The following MEI4 variants were observed in gnomAD, a reference collection of about 807,000 sequenced individuals.
The protein encoded by MEI4 is meiotic double-stranded break formation protein 4, also known as meiosis-specific protein MEI4.
MEI4 carries 27 observed loss-of-function variants against 31.4 expected under a neutral mutation model. The ratio of observed to expected loss-of-function variants is 0.86; its 90% CI spans 0.63 to 1.19. The LOEUF (loss-of-function observed/expected upper bound fraction) is 1.19. MEI4 is among the 50% of genes most tolerant of loss of function. The pLI, the probability that MEI4 is intolerant of heterozygous loss-of-function variation, is 0.00. For missense variants in MEI4, 329 were observed against 398.9 expected (o/e 0.82, Z 1.49); for synonymous variants, 122 against 145.4 (o/e 0.84, Z 1.16).
intron 4 of MEI4, among the ~76,000 whole-genome samples, chr6:77,909,111 C>T (rs1766369732): frequency 6.6e-6 from 1 of 152,106 alleles, no homozygotes; most frequent in African/African-American, 2.4e-5. Flanking sequence ...AACTAAAGCA[C>T]TCCTCAGCAA....
chr6:77,803,888 G>T (rs1459096466), intron 3 of MEI4, among the ~76,000 whole-genome samples: 1 of 152,134 alleles, frequency 6.6e-6, no homozygotes, highest in African/African-American at 2.4e-5. Flanking sequence ...CCCTACTGGG[G>T]GTTGCCTCCC....
chr6:77,914,354 G>T, intron 4 of MEI4, among the ~76,000 whole-genome samples: 1 of 151,828 alleles, frequency 6.6e-6, no homozygotes, highest in South Asian at 2.1e-4. Context: ...TTGACCTAAT[G>T]CTCATTCAGG....
At chr6:77,895,450 G>A (rs10806119) in intron 4 of MEI4, among the ~76,000 whole-genome samples, 21,624 of 151,884 alleles carry the variant, frequency 0.14, 1,976 homozygotes, top group South Asian at 0.19. Flanking sequence ...TTCCTATACC[G>A]ACAACAATTT....
At chr6:77,818,219 A>G (rs1309427040) in intron 3 of MEI4, among the ~76,000 whole-genome samples, 2 of 152,194 alleles carry the variant, frequency 1.3e-5, no homozygotes, top group African/African-American at 2.4e-5. Flanking sequence ...AGTGTTTAAA[A>G]TGAACATCTC....
At chr6:77,732,962 T>C (rs1767055916) in intron 2 of MEI4, among the ~76,000 whole-genome samples, 1 of 151,208 alleles carries the variant, frequency 6.6e-6, no homozygotes. Flanking sequence ...CAGCCTTGCA[T>C]CCCAGGGATG....
At chr6:77,790,646 A>G (rs185859644) in intron 3 of MEI4, among the ~76,000 whole-genome samples, 8 of 152,286 alleles carry the variant, frequency 5.3e-5, no homozygotes, top group Admixed American at 2.6e-4. Context: ...CATTATGTTT[A>G]GAGAACTGAA....
chr6:77,686,125 G>A (rs1769049879), intron 1 of MEI4, among the ~76,000 whole-genome samples: 1 of 152,130 alleles, frequency 6.6e-6, no homozygotes, highest in African/African-American at 2.4e-5. Flanking sequence ...TACCATGAGT[G>A]AAAGCCTCCT....
intron 1 of MEI4, among the ~76,000 whole-genome samples, chr6:77,675,656 G>A (rs1243246838): frequency 2.6e-5 from 4 of 151,656 alleles, no homozygotes; most frequent in Admixed American, 1.3e-4. Flanking sequence ...CCGTATGTAT[G>A]AATTTTCTGC....
intron 3 of MEI4, among the ~76,000 whole-genome samples, chr6:77,798,367 TTAA>T (rs1359490305): frequency 1.3e-5 from 2 of 151,452 alleles, no homozygotes; most frequent in Admixed American, 6.6e-5. Context: ...TGTATTAATA[TTAA>T]TAATTAAAAT....
chr6:77,809,596 T>C (rs1298211491), intron 3 of MEI4, among the ~76,000 whole-genome samples: 2 of 152,186 alleles, frequency 1.3e-5, no homozygotes, highest in African/African-American at 2.4e-5. Flanking sequence ...CGTTTTGTAA[T>C]GATAATGGAG....
At chr6:77,760,474 A>G (rs947070169) in intron 2 of MEI4, among the ~76,000 whole-genome samples, 7 of 152,114 alleles carry the variant, frequency 4.6e-5, no homozygotes, top group African/African-American at 1.4e-4. Flanking sequence ...TCTGGCCTCT[A>G]TATTATTTAT....
intron 3 of MEI4, among the ~76,000 whole-genome samples, chr6:77,814,442 T>C (rs1769644843): frequency 6.6e-6 from 1 of 152,150 alleles, no homozygotes; most frequent in Admixed American, 6.6e-5. Context: ...GAAAATTGTT[T>C]GGGAACACCA....
intron 4 of MEI4, among the ~76,000 whole-genome samples, chr6:77,865,059 A>T (rs1444679987): frequency 1.3e-5 from 2 of 152,230 alleles, no homozygotes; most frequent in African/African-American, 4.8e-5. Flanking sequence ...ACATACCAGA[A>T]TCTCTAGGAC....
chr6:77,834,520 C>T (rs1328284024), intron 4 of MEI4, among the ~76,000 whole-genome samples: 1 of 150,890 alleles, frequency 6.6e-6, no homozygotes, highest in Non-Finnish European at 1.5e-5. Flanking sequence ...GCACTAGCTG[C>T]GGGGGGTCTG....
In MEI4 at chr6:77,780,640, T is replaced by G. The variant is rs566232660; in HGVS notation, c.768+18975T>G. On this transcript the variant is annotated intron_variant, in intron 3 of 4. Coordinates refer to ENST00000684080, the MANE Select transcript of MEI4 (RefSeq NM_001322247.2). ...ATGATATATGTGCTAATCTGTTAAT[T>G]AATCTACTGTTTATGTCTTCTCTAT... 2.6e-5 allele frequency among the ~76,000 whole-genome samples: 4 copies of G among 152,322 alleles called. No individual in the cohort carries two copies. The East Asian group carries it at 7.7e-4, about 29-fold the overall frequency.
At chr6:77,885,834 A>T (rs1208721060) in intron 4 of MEI4, among the ~76,000 whole-genome samples, 1 of 152,126 alleles carries the variant, frequency 6.6e-6, no homozygotes, top group Non-Finnish European at 1.5e-5. Context: ...ATATTGAGGT[A>T]TGTTCCTTCT....
chr6:77,779,957 A>G lies in MEI4; in HGVS notation c.768+18292A>G, dbSNP rs149090447. 1.4e-3 allele frequency among the ~76,000 whole-genome samples: 213 copies of G among 152,262 alleles called. 1 individual carries two copies. Among genetic ancestry groups the G allele is most frequent in the African/African-American group, 4.5e-3 (187 of 41,562 alleles). ...AGAATTTTAGTCAGTAGTTAACTCA[A>G]ATGGATGGGTATTGGAAAATAACAA... On this transcript the variant is annotated intron_variant, in intron 3 of 4. Coordinates refer to ENST00000684080, the MANE Select transcript of MEI4 (RefSeq NM_001322247.2).
chr6:77,843,571 A>C (rs1464048180), intron 4 of MEI4, among the ~76,000 whole-genome samples: 1 of 152,024 alleles, frequency 6.6e-6, no homozygotes, highest in Non-Finnish European at 1.5e-5. Flanking sequence ...AGTTGTTCAA[A>C]ACAACCATCT....
intron 4 of MEI4, among the ~76,000 whole-genome samples, chr6:77,898,268 T>C (rs138278305): frequency 5.9e-5 from 9 of 152,146 alleles, no homozygotes; most frequent in African/African-American, 2.2e-4. Context: ...CTGCCTTCTT[T>C]ACTTTCTACT....
Sources: gnomAD v4.1 joint callset for allele counts (sites outside exome capture counted in the v4.1 genomes callset) on GRCh38, gnomAD v4.1.1 for gene constraint, MANE v1.5 for transcripts, NCBI Gene and HGNC (gene_info 2026-07-23, HGNC 2026-07-21) for gene names.